The following CHD2 variants were observed in gnomAD, a reference collection of about 807,000 sequenced individuals.
CHD2 encodes ATP-dependent chromatin remodeler CHD2.
In CHD2, 28 loss-of-function variants were observed where a neutral mutation model predicts 243.9. The observed-to-expected ratio is 0.11, with a 90% CI of 0.09 to 0.16. CHD2 has a LOEUF of 0.16. Among genes scored for constraint, CHD2 ranks in the 10% least tolerant of loss-of-function variants. The pLI is 1.00. For synonymous variants in CHD2, 775 were observed against 779.0 expected (o/e 0.99, Z 0.09); for missense variants, 1,386 against 2,209.8 (o/e 0.63, Z 7.47).
Position 92,951,461 on chromosome 15 carries a change from G to A in CHD2, c.1503-1896G>A, listed in dbSNP as rs539899408. 5.3e-5 allele frequency among the ~76,000 whole-genome samples: 8 copies of A among 152,210 alleles called. No individual in the cohort carries two copies. The South Asian group carries it at 1.2e-3, about 24-fold the overall frequency. On this transcript the variant is annotated intron_variant, in intron 13 of 38. Transcript: ENST00000394196. ...GCTGGGATTACAGCCATGAGCCACC[G>A]TGCCTGGCCAGCATTTTTTTACTTT... is the stretch of plus-strand genomic sequence containing the variant.
intron 12 of CHD2, chr15:92,946,946 A>AC (rs1472140335): frequency 6.6e-6 from 1 of 152,014 alleles, no homozygotes; most frequent in Admixed American, 6.6e-5. Flanking sequence ...AAAAAAAAAA[A>AC]ATAGAGAGCG....
chr15:92,959,805 A>G (rs1053695833), intron 16 of CHD2, among the ~76,000 whole-genome samples: 2 of 152,202 alleles, frequency 1.3e-5, no homozygotes, highest in African/African-American at 4.8e-5. Flanking sequence ...ACTGCTTTTT[A>G]AAAATGGAGA....
chr15:92,948,229 G>A (rs571335055), intron 12 of CHD2, among the ~76,000 whole-genome samples: 7 of 152,128 alleles, frequency 4.6e-5, no homozygotes, highest in Admixed American at 1.3e-4. Flanking sequence ...GTAGATGGGC[G>A]GCATTTCTGA....
intron 2 of CHD2, among the ~76,000 whole-genome samples, chr15:92,916,827 C>T (rs1245797925): frequency 6.6e-6 from 1 of 152,220 alleles, no homozygotes; most frequent in Admixed American, 6.5e-5. Flanking sequence ...GCTGGGATTA[C>T]AGGCATGAGC....
At chr15:93,020,371 C>A in intron 38 of CHD2, 113 bp downstream of exon 38, 2 of 1,336,666 alleles carry the variant, frequency 1.5e-6, no homozygotes, top group South Asian at 1.2e-5. Flanking sequence ...AAGATCTCAT[C>A]ATGCATGTGT....
intron 16 of CHD2, among the ~76,000 whole-genome samples, chr15:92,965,871 T>A (rs2141828509): frequency 6.6e-6 from 1 of 152,234 alleles, no homozygotes; most frequent in Non-Finnish European, 1.5e-5. Flanking sequence ...TTTTTTAGAT[T>A]AGTAAAGTTT....
intron 2 of CHD2, among the ~76,000 whole-genome samples, chr15:92,920,116 A>G (rs189727517): frequency 9.3e-4 from 142 of 152,266 alleles, no homozygotes; most frequent in African/African-American, 3.2e-3. Flanking sequence ...ATGCATTTAT[A>G]CACATAGATA....
At chr15:93,022,867 C>T (rs1426091234) in intron 38 of CHD2, among the ~76,000 whole-genome samples, 2 of 152,224 alleles carry the variant, frequency 1.3e-5, no homozygotes, top group Non-Finnish European at 1.5e-5. Flanking sequence ...TCAGGGATCA[C>T]TGTTCTTCAT....
intron 17 of CHD2, 56 bp from the exon 18 acceptor site, chr15:92,971,709 C>T: frequency 6.6e-7 from 1 of 1,514,000 alleles, no homozygotes; most frequent in Non-Finnish European, 9.0e-7. Flanking sequence ...TCTTCTGGTA[C>T]CTACAACTTT....
chr15:92,939,742 T>G (rs201706315), intron 7 of CHD2, 24 bp downstream of exon 7: 1 of 1,608,972 alleles, frequency 6.2e-7, no homozygotes, highest in Non-Finnish European at 8.5e-7. Flanking sequence ...CAGAAGTGTT[T>G]CACTGGTGTG....
chr15:92,949,102 T>A (rs760353928), intron 13 of CHD2, 26 bp downstream of exon 13: 1 of 1,604,412 alleles, frequency 6.2e-7, no homozygotes, highest in South Asian at 1.1e-5. Context: ...TGAGTGCAAT[T>A]TTCCTTACTG....
At chr15:92,905,296 T>C (rs1377120302) in intron 2 of CHD2, among the ~76,000 whole-genome samples, 1 of 152,212 alleles carries the variant, frequency 6.6e-6, no homozygotes. Flanking sequence ...CGGTTGGGTT[T>C]ATGCTCACTG....
intron 5 of CHD2, among the ~76,000 whole-genome samples, chr15:92,936,260 C>T (rs1417746903): frequency 1.3e-5 from 2 of 152,174 alleles, no homozygotes; most frequent in Middle Eastern, 3.2e-3. Context: ...GACCTGTTCT[C>T]CCATGAAGAA....
At chr15:92,959,665 G>A (rs1380240363) in intron 16 of CHD2, among the ~76,000 whole-genome samples, 1 of 151,944 alleles carries the variant, frequency 6.6e-6, no homozygotes, top group Non-Finnish European at 1.5e-5. Context: ...CTAATTTTTT[G>A]TATTTTAGTA....
At chr15:92,906,581 T>G (rs562796422) in intron 2 of CHD2, among the ~76,000 whole-genome samples, 1 of 152,092 alleles carries the variant, frequency 6.6e-6, no homozygotes, top group African/African-American at 2.4e-5. Flanking sequence ...CCCATAAAAT[T>G]TGATACACTA....
Position 92,917,435 on chromosome 15 carries a change from C to G in CHD2, c.63-6886C>G, listed in dbSNP as rs538768242. ...AATTAGCCAGGTGCAGTGGGGCATG[C>G]CTGTAATTCCAGCTACTCTGGAGAC... is the stretch of plus-strand genomic sequence containing the variant. On this transcript the variant is annotated intron_variant, in intron 2 of 38. Transcript: ENST00000394196. Among the ~76,000 whole-genome samples, 35 of 152,288 alleles carry G rather than the reference C, an allele frequency of 2.3e-4. No homozygotes were observed. In the South Asian group the frequency reaches 5.4e-3, roughly 23 times the overall value.
chr15:92,912,930 T>C lies in CHD2; in HGVS notation c.63-11391T>C, dbSNP rs568243466. 2.0e-5 allele frequency among the ~76,000 whole-genome samples: 3 copies of C among 152,328 alleles called. No individual in the cohort carries two copies. In the South Asian group the frequency reaches 6.2e-4, roughly 32 times the overall value. ...ATAGAGGCAATATATGACTGGTGAATTGTAATTTCAAAGGAAAGCAGTAAT... is the reference window on the plus strand; with the variant it reads ...ATAGAGGCAATATATGACTGGTGAACTGTAATTTCAAAGGAAAGCAGTAAT... On this transcript the variant is annotated intron_variant, in intron 2 of 38. Coordinates refer to ENST00000394196, the MANE Select transcript of CHD2 (RefSeq NM_001271.4).
At chr15:92,974,834 G>A (rs1412773554) in intron 19 of CHD2, 45 bp from the exon 20 acceptor site, 4 of 1,565,264 alleles carry the variant, frequency 2.6e-6, no homozygotes, top group African/African-American at 1.3e-5. Context: ...TCTGAGTGTA[G>A]CTGATCTTCC....
intron 6 of CHD2, among the ~76,000 whole-genome samples, chr15:92,938,930 T>G (rs1228717687): frequency 3.9e-5 from 6 of 152,318 alleles, no homozygotes; most frequent in African/African-American, 1.2e-4. Context: ...CAGTAAAAAC[T>G]TATGTATAGT....
Sources: allele counts gnomAD v4.1 joint callset (sites outside exome capture counted in the v4.1 genomes callset), GRCh38; gene constraint gnomAD v4.1.1; transcripts MANE v1.5; gene names NCBI Gene and HGNC (gene_info 2026-07-23, HGNC 2026-07-21).